UBFD1: variants seen among roughly 807,000 people sequenced by gnomAD.
UBFD1 encodes ubiquitin domain-containing protein UBFD1.
In UBFD1, 12 loss-of-function variants were observed where a neutral mutation model predicts 35.1. That is an observed-to-expected ratio of 0.34 (90% CI 0.22 to 0.55). UBFD1 has a LOEUF of 0.55. Ranked by LOEUF, UBFD1 falls within the 20% of genes least tolerant of loss-of-function variation. The pLI is 0.89. For missense variants in UBFD1, 337 were observed against 410.8 expected (o/e 0.82, Z 1.55); for synonymous variants, 178 against 167.6 (o/e 1.06, Z -0.48).
intron 4 of UBFD1, 72 bp from the exon 5 acceptor site, chr16:23,562,553 C>G (rs1965952093): frequency 7.0e-7 from 1 of 1,418,722 alleles, no homozygotes; most frequent in East Asian, 2.4e-5. Context: ...CAGGCGTGAG[C>G]CACCGCGCTT....
rs1966121553 is a variant in UBFD1 at position 23,574,031 on chromosome 16, G to C, written c.*3441G>C. 6.6e-6 allele frequency: 1 copy of C among 152,492 alleles called. No homozygotes were observed. Among genetic ancestry groups the C allele is most frequent in the East Asian group, 1.9e-4 (1 of 5,190 alleles). The allele number at this position is 152,492 out of a possible 1,614,324, so 9.4% of individuals were successfully genotyped here. A position where few individuals can be genotyped will look rare whatever the true frequency, so the allele number is the denominator to read the frequency against. ...ATCTGCACCTGTTTCCTTCGTAATA[G>C]TGCCTGGCGGCCTTTCTGAAGTTAC... On this transcript the variant is annotated 3_prime_UTR_variant, in exon 7 of 7. Transcript: ENST00000395878.
intron 3 of UBFD1, chr16:23,561,578 G>A (rs949427146): frequency 2.0e-5 from 3 of 152,236 alleles, no homozygotes; most frequent in Admixed American, 2.0e-4. Flanking sequence ...CTTTCTGAAA[G>A]GTGGCTCTTC....
chr16:23,558,092 G>C lies in UBFD1; in HGVS notation c.168G>C (p.Pro56=), dbSNP rs766171056. Residue 56 remains proline (P), a synonymous_variant, in exon 2 of 7, where the codon CCG becomes CCC. Coordinates refer to ENST00000395878, the MANE Select transcript of UBFD1 (RefSeq NM_019116.3). ...DSGAARGSLQ[P]APAQPPGDPA... The stretch of plus-strand genomic sequence containing the variant: ...GCGCCGCACGAGGCAGCCTGCAGCC[G>C]GCCCCGGCCCAGCCCCCTGGGGACC... 1 of 1,510,286 alleles carries C rather than the reference G, an allele frequency of 6.6e-7. No individual in the cohort carries two copies. The highest frequency in any genetic ancestry group is 8.8e-7 in the Non-Finnish European group (1 of 1,135,300). The allele number at this position is 1,510,286 out of a possible 1,614,324, so 93.6% of individuals were successfully genotyped here.
chr16:23,559,807 T>C, intron 3 of UBFD1, 131 bp downstream of exon 3: 1 of 1,546,850 alleles, frequency 6.5e-7, no homozygotes, highest in Non-Finnish European at 8.7e-7. Flanking sequence ...ATGGCAGCAG[T>C]TGGGTGCCGC....
rs147804370 is a variant in UBFD1, at chr16:23,572,165, C to T, written c.*1575C>T. 6.5e-6 allele frequency: 1 copy of T among 152,800 alleles called. No individual in the cohort carries two copies. Among genetic ancestry groups the T allele is most frequent in the East Asian group, 1.9e-4 (1 of 5,182 alleles). 9.5% of individuals were successfully genotyped at this position (152,800 alleles called of 1,614,324 possible). A position where few individuals can be genotyped will look rare whatever the true frequency, so the allele number is the denominator to read the frequency against. On this transcript the variant is annotated 3_prime_UTR_variant, in exon 7 of 7. Transcript: ENST00000395878. ...GGAATCCAGCCCACATAGACAGACT[C>T]TTGCTTTCCATGGTGTAGTCAATGC...
At position 23,559,203 on chromosome 16, in the gene UBFD1, A is replaced by C. The variant is rs927452562; in HGVS notation, c.356-265A>C. On this transcript the variant is annotated intron_variant, in intron 2 of 6. Transcript: ENST00000395878. ...AATGAGAGCTAGTACTTACTGAACA[A>C]TTATTCAATGCTAGCCACCGTACTA... 1.2e-5 allele frequency: 4 copies of C among 332,810 alleles called. No individual in the cohort carries two copies. In the South Asian group the frequency reaches 1.4e-4, roughly 11 times the overall value. The allele number at this position is 332,810 out of a possible 1,614,324, so 20.6% of individuals were successfully genotyped here.
rs1373668253 is a variant in UBFD1 at position 23,572,846 on chromosome 16, C to G, written c.*2256C>G. On this transcript the variant is annotated 3_prime_UTR_variant, in exon 7 of 7. Transcript: ENST00000395878. ...ACGGAGCTGTTTGAGTATTGCTTTA[C>G]AGAGCTCACTAAATCAGCTTCAACA... 6.6e-6 allele frequency: 1 copy of G among 152,234 alleles called. No homozygotes were observed. The highest frequency in any genetic ancestry group is 1.5e-5 in the Non-Finnish European group (1 of 68,050). The allele number at this position is 152,234 out of a possible 1,614,324, so 9.4% of individuals were successfully genotyped here.
At chr16:23,563,776 C>T (rs771802397) in intron 5 of UBFD1, among the ~76,000 whole-genome samples, 1 of 152,162 alleles carries the variant, frequency 6.6e-6, no homozygotes, top group South Asian at 2.1e-4. Context: ...GTATTTTAGC[C>T]GCATCTCTCT....
intron 6 of UBFD1, among the ~76,000 whole-genome samples, chr16:23,570,103 G>A (rs938493980): frequency 2.0e-5 from 3 of 152,154 alleles, no homozygotes; most frequent in African/African-American, 7.2e-5. Flanking sequence ...CTAGGGCAGC[G>A]TTTCTCCAAC....
Position 23,562,876 on chromosome 16 carries a change from T to C in UBFD1, c.736+146T>C. Reference sequence around the variant, plus strand: ...TGCTTCTGGCTTTTAAATTTGCTTTTAGATGCTCGCCTTTTGTTTGGACCG... The same window carrying C: ...TGCTTCTGGCTTTTAAATTTGCTTTCAGATGCTCGCCTTTTGTTTGGACCG... On this transcript the variant is annotated intron_variant, in intron 5 of 6. Transcript: ENST00000395878. 4.2e-6 allele frequency: 3 copies of C among 721,388 alleles called. No individual in the cohort carries two copies. The South Asian group carries it at 4.8e-5, about 11-fold the overall frequency. 44.7% of individuals were successfully genotyped at this position (721,388 alleles called of 1,614,324 possible). A position where few individuals can be genotyped will look rare whatever the true frequency, so the allele number is the denominator to read the frequency against.
At chr16:23,566,689 A>G (rs1966016224) in intron 5 of UBFD1, 1 of 261,030 alleles carries the variant, frequency 3.8e-6, no homozygotes, top group Non-Finnish European at 7.3e-6. Flanking sequence ...GATATTTATT[A>G]ACCATCAGAC....
At chr16:23,559,819 G>A (rs1398665508) in intron 3 of UBFD1, 143 bp downstream of exon 3, 1 of 1,542,354 alleles carries the variant, frequency 6.5e-7, no homozygotes, top group Admixed American at 2.0e-5. Flanking sequence ...GGGTGCCGCA[G>A]AGTGGAGGTG....
At chr16:23,564,601 C>T (rs1234795675) in intron 5 of UBFD1, 2 of 152,230 alleles carry the variant, frequency 1.3e-5, no homozygotes, top group African/African-American at 4.8e-5. Flanking sequence ...AGTGCATAGA[C>T]TTCCTGCCTC....
chr16:23,560,904 C>T (rs748190766), intron 3 of UBFD1, among the ~76,000 whole-genome samples: 1 of 152,080 alleles, frequency 6.6e-6, no homozygotes, highest in East Asian at 1.9e-4. Flanking sequence ...TTTTCTTTGC[C>T]ACATGTATGA....
rs1966020944 is a variant in UBFD1 at position 23,567,057 on chromosome 16, C to T, written c.807C>T (p.Asp269=). 3.1e-6 allele frequency: 5 copies of T among 1,614,140 alleles called. No homozygotes were observed. The highest frequency in any genetic ancestry group is 4.2e-6 in the Non-Finnish European group (5 of 1,180,016). ...GTGAACCTATCGAAGGACATGAAGA[C>T]TACCACATGATGGTAAGTAGCGCTG... The part of the protein sequence containing the change: ...VVSEPIEGHE[D]YHMMAFQLGP... The change falls in exon 6 of 7, where the codon GAC becomes GAT. Residue 269 remains aspartate, a synonymous_variant. Coordinates refer to ENST00000395878, the MANE Select transcript of UBFD1 (RefSeq NM_019116.3).
chr16:23,562,696 A>G lies in UBFD1; in HGVS notation c.702A>G (p.Lys234=), dbSNP rs776317795. 1 of 1,614,094 alleles carries G rather than the reference A, an allele frequency of 6.2e-7. No individual in the cohort carries two copies. The highest frequency in any genetic ancestry group is 2.2e-5 in the East Asian group (1 of 44,882). ...KSGGKVRLTF[K]LEQDQLWIGT... Reference sequence around the variant, plus strand: ...GAGGAAAAGTGAGACTCACCTTTAAACTAGAACAAGACCAGCTGTGGATTG... The same window carrying G: ...GAGGAAAAGTGAGACTCACCTTTAAGCTAGAACAAGACCAGCTGTGGATTG... The change falls in exon 5 of 7, where the codon AAA becomes AAG. Residue 234 remains lysine, a synonymous_variant. Coordinates refer to ENST00000395878, the MANE Select transcript of UBFD1 (RefSeq NM_019116.3).
intron 1 of UBFD1, 79 bp from the exon 2 acceptor site, chr16:23,557,871 G>A (rs1965839190): frequency 1.6e-6 from 2 of 1,268,800 alleles, no homozygotes; most frequent in African/African-American, 1.6e-5. Context: ...GCTCGGGAAC[G>A]GAGGTCCGGC....
At position 23,562,202 on chromosome 16, in the gene UBFD1, A is replaced by G. The variant is rs1386783367; in HGVS notation, c.565-4A>G. 6.2e-7 allele frequency: 1 copy of G among 1,613,442 alleles called. No homozygotes were observed. Among genetic ancestry groups the G allele is most frequent in the Admixed American group, 1.7e-5 (1 of 59,950 alleles). ...TTCATTTCATTCTCTCTTCTGACTT[A>G]TAGCAACACAGGAAAGTGTTGGATA... On this transcript the variant is annotated splice_region_variant and splice_polypyrimidine_tract_variant and intron_variant, in intron 3 of 6. Transcript: ENST00000395878.
Position 23,562,211 on chromosome 16 carries a change from C to T in UBFD1, c.570C>T (p.His190=). The change falls in exon 4 of 7, where the codon CAC becomes CAT. Residue 190 remains histidine (H), a synonymous_variant. Transcript: ENST00000395878. ...TTCTCTCTTCTGACTTATAGCAACA[C>T]AGGAAAGTGTTGGATAAAGGAAAAC... The part of the protein sequence containing the change: ...KKEPLCRQKQ[H]RKVLDKGKPE... The T allele has an allele frequency of 6.2e-7, 1 of 1,613,916 alleles. No homozygotes were observed. Among genetic ancestry groups the T allele is most frequent in the East Asian group, 2.2e-5 (1 of 44,866 alleles).
Sources: gnomAD v4.1 joint callset for allele counts (sites outside exome capture counted in the v4.1 genomes callset) on GRCh38, gnomAD v4.1.1 for gene constraint, MANE v1.5 for transcripts, NCBI Gene and HGNC (gene_info 2026-07-23, HGNC 2026-07-21) for gene names.